The following LRRC7 variants were observed in gnomAD, a reference collection of about 807,000 sequenced individuals.
LRRC7 encodes the protein leucine-rich repeat-containing protein 7.
In LRRC7, 23 loss-of-function variants were observed where a neutral mutation model predicts 175.7. That is an observed-to-expected ratio of 0.13 (90% CI 0.09 to 0.19). The LOEUF is 0.19. Among genes scored for constraint, LRRC7 ranks in the 10% least tolerant of loss-of-function variants. LRRC7 has a pLI of 1.00. For synonymous variants in LRRC7, 685 were observed against 680.9 expected, an observed-to-expected ratio of 1.01 and a Z score of -0.09; for missense variants, 1,354 against 1,904.7, an observed-to-expected ratio of 0.71 and a Z score of 5.38.
intron 2 of LRRC7, among the ~76,000 whole-genome samples, chr1:69,687,520 C>CAAAAAAAAAACA (rs1661306106): frequency 1.0e-5 from 1 of 96,896 alleles, no homozygotes; most frequent in East Asian, 3.1e-4. Flanking sequence ...AAGAAAAAAC[C>CAAAAAAAAAACA]AAAAAAAAAA....
At chr1:69,953,643 T>C (rs897313517) in intron 8 of LRRC7, among the ~76,000 whole-genome samples, 40 of 152,202 alleles carry the variant, frequency 2.6e-4, no homozygotes, top group Non-Finnish European at 3.8e-4. Context: ...TTCATTTTTT[T>C]ACATGTAATA....
At chr1:69,770,166 G>T (rs1672070279) in intron 3 of LRRC7, among the ~76,000 whole-genome samples, 1 of 152,164 alleles carries the variant, frequency 6.6e-6, no homozygotes, top group African/African-American at 2.4e-5. Context: ...AATGTACAAT[G>T]AGGGATGTCA....
At chr1:69,794,704 A>G (rs980595006) in intron 4 of LRRC7, among the ~76,000 whole-genome samples, 2 of 152,208 alleles carry the variant, frequency 1.3e-5, no homozygotes, top group African/African-American at 2.4e-5. Flanking sequence ...GAAGATCTGA[A>G]AATAATTTGT....
chr1:69,749,757 A>T (rs1205752293), intron 2 of LRRC7, among the ~76,000 whole-genome samples: 2 of 152,062 alleles, frequency 1.3e-5, no homozygotes, highest in East Asian at 3.9e-4. Context: ...TAGAATAGGG[A>T]AAGTGTCTTC....
intron 7 of LRRC7, among the ~76,000 whole-genome samples, chr1:69,843,100 G>A (rs1157302117): frequency 2.6e-5 from 4 of 152,126 alleles, no homozygotes; most frequent in African/African-American, 9.6e-5. Flanking sequence ...TCAGGAGGCT[G>A]AGGCAACTGA....
intron 1 of LRRC7, among the ~76,000 whole-genome samples, chr1:69,663,746 G>C (rs1421303578): frequency 9.1e-6 from 1 of 110,332 alleles, no homozygotes; most frequent in African/African-American, 3.6e-5. Flanking sequence ...ACGGAGTCTC[G>C]CTCTGTCGCC....
intron 5 of LRRC7, among the ~76,000 whole-genome samples, chr1:69,827,811 CCTGGG>C (rs1200832849): frequency 6.6e-6 from 1 of 151,998 alleles, no homozygotes; most frequent in African/African-American, 2.4e-5. Flanking sequence ...TGCACTCCAT[CCTGGG>C]CAACAGAGTG....
At chr1:69,809,577 C>T (rs191259565) in intron 4 of LRRC7, among the ~76,000 whole-genome samples, 2 of 152,056 alleles carry the variant, frequency 1.3e-5, no homozygotes, top group Non-Finnish European at 2.9e-5. Context: ...CTTATCCACA[C>T]CATCAAGTTG....
intron 8 of LRRC7, among the ~76,000 whole-genome samples, chr1:69,968,638 G>A (rs1651902755): frequency 6.6e-6 from 1 of 152,056 alleles, no homozygotes; most frequent in Admixed American, 6.5e-5. Flanking sequence ...AGGGTTTGGG[G>A]TCCTATCTTC....
chr1:69,614,467 A>T (rs531674313), intron 1 of LRRC7, among the ~76,000 whole-genome samples: 1 of 152,072 alleles, frequency 6.6e-6, no homozygotes, highest in African/African-American at 2.4e-5. Context: ...ACTGAATGCA[A>T]ATCAGCTGGG....
rs1363320908 is a variant in LRRC7 at position 70,129,603 on chromosome 1, G to A, written c.*7716G>A. On this transcript the variant is annotated 3_prime_UTR_variant, in exon 27 of 27. Transcript: ENST00000651989. ...AAAGTCCCTCCTATGACCACTGTCA[G>A]GGAGCGTGGGAATCCATGCTGTCCA... 6.6e-6 allele frequency among the ~76,000 whole-genome samples: 1 copy of A among 152,174 alleles called. No homozygotes were observed. The highest frequency in any genetic ancestry group is 1.5e-5 in the Non-Finnish European group (1 of 68,038).
intron 1 of LRRC7, among the ~76,000 whole-genome samples, chr1:69,595,475 T>C (rs1228550137): frequency 1.3e-5 from 2 of 152,160 alleles, no homozygotes; most frequent in Non-Finnish European, 2.9e-5. Flanking sequence ...AGATCTGCAG[T>C]TGATAACGGA....
At chr1:69,978,259 G>A (rs1470063376) in intron 8 of LRRC7, among the ~76,000 whole-genome samples, 1 of 151,336 alleles carries the variant, frequency 6.6e-6, no homozygotes, top group African/African-American at 2.4e-5. Flanking sequence ...CTCCAGCCTG[G>A]GTGACAGAGT....
chr1:69,806,196 T>C (rs1677096546), intron 4 of LRRC7, among the ~76,000 whole-genome samples: 1 of 151,854 alleles, frequency 6.6e-6, no homozygotes, highest in African/African-American at 2.4e-5. Flanking sequence ...AATAAAGTGG[T>C]AAATTGATAA....
chr1:69,970,283 G>A (rs887205059), intron 8 of LRRC7, among the ~76,000 whole-genome samples: 5 of 151,920 alleles, frequency 3.3e-5, no homozygotes, highest in Admixed American at 6.6e-5. Context: ...ACCAAGATTA[G>A]AGCAGAACTA....
chr1:70,003,781 T>C (rs1260214510), intron 11 of LRRC7, among the ~76,000 whole-genome samples: 2 of 152,136 alleles, frequency 1.3e-5, no homozygotes, highest in African/African-American at 4.8e-5. Flanking sequence ...ATGCATGAAA[T>C]GTTTCCATAT....
Position 70,096,273 on chromosome 1 carries a change from G to A in LRRC7, c.4545+6454G>A, listed in dbSNP as rs538462431. Among the ~76,000 whole-genome samples the A allele has an allele frequency of 3.3e-5, 5 of 152,328 alleles. No homozygotes were observed. The East Asian group carries it at 9.6e-4, about 29-fold the overall frequency. ...ATTACAGGCGTGAGCCACCGTGCTT[G>A]CCTATGCATTTATTTAATTATTCAT... On this transcript the variant is annotated intron_variant, in intron 25 of 26. Transcript: ENST00000651989.
intron 1 of LRRC7, among the ~76,000 whole-genome samples, chr1:69,606,130 C>A (rs890198061): frequency 2.6e-5 from 4 of 152,136 alleles, no homozygotes; most frequent in Non-Finnish European, 4.4e-5. Flanking sequence ...ATGCCCTTAG[C>A]ATTCACACAT....
At chr1:69,960,377 T>G (rs1398397898) in intron 8 of LRRC7, among the ~76,000 whole-genome samples, 2 of 152,172 alleles carry the variant, frequency 1.3e-5, no homozygotes. Flanking sequence ...TGCTCTTTTC[T>G]TCTTTATTAT....
Sources: gnomAD v4.1 joint callset for allele counts (sites outside exome capture counted in the v4.1 genomes callset) on GRCh38, gnomAD v4.1.1 for gene constraint, MANE v1.5 for transcripts, NCBI Gene and HGNC (gene_info 2026-07-23, HGNC 2026-07-21) for gene names.